The following TCF12 variants were observed in gnomAD, a reference collection of about 807,000 sequenced individuals.
TCF12 encodes the protein transcription factor 12, also known as DNA-binding protein HTF4.
A neutral mutation model predicts 86.0 loss-of-function variants in TCF12; 45 were observed. The ratio of observed to expected loss-of-function variants is 0.52; its 90% CI spans 0.41 to 0.67. The LOEUF (loss-of-function observed/expected upper bound fraction) is 0.67, where lower values mean the gene tolerates loss of function less well. TCF12 is among the 30% of genes least tolerant of loss of function. The pLI, the probability that TCF12 is intolerant of heterozygous loss-of-function variation, is 0.00. For missense variants in TCF12, 881 were observed against 859.9 expected (o/e 1.02, Z -0.31); for synonymous variants, 330 against 299.6 (o/e 1.10, Z -1.05).
chr15:56,977,037 T>G (rs1273294996), intron 3 of TCF12, among the ~76,000 whole-genome samples: 1 of 152,226 alleles, frequency 6.6e-6, no homozygotes, highest in Non-Finnish European at 1.5e-5. Flanking sequence ...CAGTGCTGAT[T>G]TAGAACATTT....
intron 3 of TCF12, among the ~76,000 whole-genome samples, chr15:56,927,795 C>G (rs1200595984): frequency 6.6e-6 from 1 of 152,008 alleles, no homozygotes; most frequent in Non-Finnish European, 1.5e-5. Context: ...AATTATCAGG[C>G]CAGGGATTGA....
At chr15:57,056,674 G>C (rs576544773) in intron 3 of TCF12, among the ~76,000 whole-genome samples, 131 of 151,990 alleles carry the variant, frequency 8.6e-4, no homozygotes, top group African/African-American at 3.1e-3. Flanking sequence ...GCTCAGGCTG[G>C]TCTCAAACTC....
At chr15:57,009,029 TC>T (rs1260856197) in intron 3 of TCF12, among the ~76,000 whole-genome samples, 1 of 152,184 alleles carries the variant, frequency 6.6e-6, no homozygotes, top group Non-Finnish European at 1.5e-5. Context: ...TATAAGCTCT[TC>T]TAAAAATAAT....
intron 12 of TCF12, among the ~76,000 whole-genome samples, chr15:57,237,248 T>C (rs1195357728): frequency 1.3e-5 from 2 of 152,108 alleles, no homozygotes; most frequent in Non-Finnish European, 2.9e-5. Context: ...GGGAAGTTGA[T>C]GTTTAAAAGT....
intron 3 of TCF12, among the ~76,000 whole-genome samples, chr15:57,024,216 CTTTTTTTTTTT>C (rs59793819): frequency 1.3e-4 from 14 of 111,294 alleles, no homozygotes; most frequent in East Asian, 1.0e-3. Flanking sequence ...AAAAAAGTGT[CTTTTTTTTTTT>C]TTTTTTTTTT....
At position 57,187,660 on chromosome 15, in the gene TCF12, G is replaced by A. The variant is rs952115629; in HGVS notation, c.391-4498G>A. Among the ~76,000 whole-genome samples the A allele has an allele frequency of 1.7e-4, 26 of 152,294 alleles. 1 individual carries two copies. The highest frequency in any genetic ancestry group is 4.6e-4 in the African/African-American group (19 of 41,570). ...TCTAAACAGATTAGTGGCTGGGCATGGTGGCTCATGCCTGTAATCCTAGCA... is the reference window on the plus strand; with the variant it reads ...TCTAAACAGATTAGTGGCTGGGCATAGTGGCTCATGCCTGTAATCCTAGCA... On this transcript the variant is annotated intron_variant, in intron 6 of 20. Coordinates refer to ENST00000333725, the MANE Select transcript of TCF12 (RefSeq NM_207037.2).
At chr15:57,259,911 G>A (rs1214230752) in intron 16 of TCF12, among the ~76,000 whole-genome samples, 1 of 152,160 alleles carries the variant, frequency 6.6e-6, no homozygotes, top group Non-Finnish European at 1.5e-5. Flanking sequence ...AGAACTATAA[G>A]AACTGTGAAA....
At chr15:57,116,480 G>A (rs1344535199) in intron 5 of TCF12, among the ~76,000 whole-genome samples, 1 of 152,026 alleles carries the variant, frequency 6.6e-6, no homozygotes, top group Admixed American at 6.6e-5. Context: ...TGAGTAGGTG[G>A]GACTACAGGC....
At chr15:57,041,950 G>A (rs1329382443) in intron 3 of TCF12, among the ~76,000 whole-genome samples, 1 of 152,138 alleles carries the variant, frequency 6.6e-6, no homozygotes, top group Non-Finnish European at 1.5e-5. Context: ...AAAGTTTACT[G>A]AACACGTTTT....
intron 18 of TCF12, among the ~76,000 whole-genome samples, chr15:57,267,824 T>C (rs1385230247): frequency 1.3e-5 from 2 of 152,200 alleles, no homozygotes; most frequent in African/African-American, 2.4e-5. Flanking sequence ...TGTGGTTCCA[T>C]TACATACTTG....
At chr15:57,021,339 G>A (rs573098067) in intron 3 of TCF12, among the ~76,000 whole-genome samples, 7 of 152,308 alleles carry the variant, frequency 4.6e-5, no homozygotes, top group Admixed American at 2.6e-4. Context: ...GGAGCTAGCA[G>A]GTTAAACTAG....
intron 18 of TCF12, among the ~76,000 whole-genome samples, chr15:57,263,796 T>C (rs1158911403): frequency 6.6e-6 from 1 of 152,184 alleles, no homozygotes; most frequent in Admixed American, 6.5e-5. Context: ...CTGTAGGCAA[T>C]TGTAACACAA....
intron 4 of TCF12, among the ~76,000 whole-genome samples, chr15:57,071,874 G>C (rs1166520106): frequency 6.6e-6 from 1 of 152,092 alleles, no homozygotes; most frequent in African/African-American, 2.4e-5. Flanking sequence ...TGGAAATATG[G>C]AATGATGGAA....
intron 3 of TCF12, among the ~76,000 whole-genome samples, chr15:56,962,287 G>A (rs1187583490): frequency 2.6e-5 from 4 of 152,196 alleles, no homozygotes; most frequent in Non-Finnish European, 4.4e-5. Context: ...TTGTGTAACT[G>A]ATGTTTGATG....
intron 5 of TCF12, among the ~76,000 whole-genome samples, chr15:57,133,626 T>TG (rs1463484945): frequency 5.4e-5 from 7 of 128,882 alleles, no homozygotes; most frequent in East Asian, 2.0e-4. Flanking sequence ...AGTAATGTGT[T>TG]TTTTTTTTTT....
chr15:56,950,813 A>G (rs971314983), intron 3 of TCF12, among the ~76,000 whole-genome samples: 25 of 131,414 alleles, frequency 1.9e-4, no homozygotes, highest in African/African-American at 7.2e-4. Flanking sequence ...TTGGAGTGCA[A>G]TGGCGTGATC....
At chr15:57,218,440 A>G (rs545282686) in intron 8 of TCF12, among the ~76,000 whole-genome samples, 2 of 152,332 alleles carry the variant, frequency 1.3e-5, no homozygotes, top group African/African-American at 2.4e-5. Context: ...GTTTTTGTAG[A>G]CAACTTTTAA....
At chr15:57,175,261 T>C (rs2055826304) in intron 6 of TCF12, among the ~76,000 whole-genome samples, 2 of 152,012 alleles carry the variant, frequency 1.3e-5, no homozygotes, top group African/African-American at 4.8e-5. Flanking sequence ...ACTCAAGTGA[T>C]TGAGGGGTAT....
At chr15:56,982,191 CAT>C (rs2062927017) in intron 3 of TCF12, among the ~76,000 whole-genome samples, 1 of 152,118 alleles carries the variant, frequency 6.6e-6, no homozygotes, top group Admixed American at 6.5e-5. Context: ...GCAAGAAACA[CAT>C]AAGCTCTTGG....
Sources: gnomAD v4.1 joint callset for allele counts (sites outside exome capture counted in the v4.1 genomes callset) on GRCh38, gnomAD v4.1.1 for gene constraint, MANE v1.5 for transcripts, NCBI Gene and HGNC (gene_info 2026-07-23, HGNC 2026-07-21) for gene names.